The following CARM1 variants were observed in gnomAD, a reference collection of about 807,000 sequenced individuals.
CARM1 encodes the protein histone-arginine methyltransferase CARM1.
CARM1 carries 14 observed loss-of-function variants against 72.7 expected under a neutral mutation model. That is an observed-to-expected ratio of 0.19 (90% confidence interval 0.13 to 0.30). The LOEUF is 0.30. CARM1 is among the 10% of genes least tolerant of loss of function. The pLI is 1.00. For synonymous variants in CARM1, 333 were observed against 345.5 expected, an observed-to-expected ratio of 0.96 and a Z score of 0.40; for missense variants, 432 against 833.7, an observed-to-expected ratio of 0.52 and a Z score of 5.93.
At chr19:10,878,888 C>T (rs2073881788) in intron 1 of CARM1, among the ~76,000 whole-genome samples, 1 of 150,826 alleles carries the variant, frequency 6.6e-6, no homozygotes, top group African/African-American at 2.4e-5. Flanking sequence ...CTCACTGCAT[C>T]CTCTGCCTCC....
intron 1 of CARM1, among the ~76,000 whole-genome samples, chr19:10,872,456 G>A (rs972161581): frequency 1.3e-5 from 2 of 152,164 alleles, no homozygotes; most frequent in Admixed American, 6.5e-5. Flanking sequence ...GCTGTGCGAG[G>A]TGTGGCGTTC....
intron 9 of CARM1, 58 bp from the exon 10 acceptor site, chr19:10,919,819 T>TTC (rs2074225713): frequency 2.0e-6 from 3 of 1,523,654 alleles, no homozygotes; most frequent in African/African-American, 2.7e-5. Context: ...GCACCCCCTC[T>TTC]TCTCTCTCGG....
At position 10,913,123 on chromosome 19, in the gene CARM1, T is replaced by G. The variant is rs73500642; in HGVS notation, c.670-754T>G. ...GGTCACAGTGAACTCTCTTTTTTTT[T>G]GGGGGGGGTCTCACTCTGTTGCTCA... On this transcript the variant is annotated intron_variant, in intron 5 of 15. Coordinates refer to ENST00000327064, the MANE Select transcript of CARM1 (RefSeq NM_199141.2). 5.3e-3 allele frequency among the ~76,000 whole-genome samples: 804 copies of G among 150,810 alleles called. 5 individuals carry two copies. Among genetic ancestry groups the G allele is most frequent in the African/African-American group, 8.8e-3 (362 of 41,106 alleles).
At chr19:10,890,274 T>G (rs1285416191) in intron 1 of CARM1, among the ~76,000 whole-genome samples, 1,911 of 150,674 alleles carry the variant, frequency 0.013, 27 homozygotes, top group Middle Eastern at 0.024. Flanking sequence ...TGTTTGTTTT[T>G]TTTTTTTTTT....
intron 1 of CARM1, among the ~76,000 whole-genome samples, chr19:10,897,404 T>G (rs1002102007): frequency 2.0e-5 from 3 of 151,886 alleles, no homozygotes; most frequent in Admixed American, 6.6e-5. Context: ...CAGCTGGGGG[T>G]TTGTGACCTG....
At chr19:10,873,675 G>C (rs1242054458) in intron 1 of CARM1, among the ~76,000 whole-genome samples, 3 of 109,246 alleles carry the variant, frequency 2.7e-5, no homozygotes, top group African/African-American at 1.1e-4. Flanking sequence ...AGTCTTGCTC[G>C]GTCCCCCAGG....
chr19:10,917,045 G>A (rs866606380), intron 8 of CARM1, among the ~76,000 whole-genome samples: 4 of 151,888 alleles, frequency 2.6e-5, no homozygotes, highest in African/African-American at 9.7e-5. Flanking sequence ...ACACAGAGAC[G>A]CCATCGCTAT....
At chr19:10,879,700 G>A (rs762681857) in intron 1 of CARM1, among the ~76,000 whole-genome samples, 7 of 152,054 alleles carry the variant, frequency 4.6e-5, no homozygotes, top group Non-Finnish European at 8.8e-5. Flanking sequence ...GCAACCTCTA[G>A]CCTCCCAGGT....
chr19:10,871,814 C>G lies in CARM1; in HGVS notation c.112C>G (p.Leu38Val). Residue 38 changes from leucine to valine, a missense_variant, in exon 1 of 16, where the codon CTC becomes GTC. Physicochemically the swap from Leu to Val is conservative, Grantham distance 32 (BLOSUM62 1). Transcript: ENST00000327064. The surrounding 1 kb of genome is among the most constrained non-coding windows in gnomAD (Gnocchi z 5.6). ...TVSVFPGARLLTIGDANGEIQ... is the reference protein window; with the variant it reads ...TVSVFPGARLVTIGDANGEIQ... ...GTCGGTGTTCCCCGGCGCCCGCCTC[C>G]TCACCATCGGCGACGCGAACGGCGA... 7.8e-7 allele frequency: 1 copy of G among 1,278,042 alleles called. No homozygotes were observed. The highest frequency in any genetic ancestry group is 2.0e-5 in the South Asian group (1 of 49,096). The allele number at this position is 1,278,042 out of a possible 1,614,324, so 79.2% of individuals were successfully genotyped here. A position where few individuals can be genotyped will look rare whatever the true frequency, so the allele number is the denominator to read the frequency against.
At chr19:10,875,741 A>AT (rs1351332258) in intron 1 of CARM1, among the ~76,000 whole-genome samples, 2 of 149,932 alleles carry the variant, frequency 1.3e-5, no homozygotes, top group African/African-American at 4.9e-5. Flanking sequence ...TTCTTTTCTT[A>AT]TAAGGACACT....
intron 1 of CARM1, among the ~76,000 whole-genome samples, chr19:10,900,912 T>G (rs1394927889): frequency 6.6e-6 from 1 of 152,008 alleles, no homozygotes; most frequent in African/African-American, 2.4e-5. Context: ...CTCGATCTCC[T>G]GACCTTGTGA....
chr19:10,921,896 CTT>C lies in CARM1; in HGVS notation c.*144_*145del, dbSNP rs1412063774. On this transcript the variant is annotated 3_prime_UTR_variant, in exon 16 of 16. Transcript: ENST00000327064. ...TCTCTTTGCTATGGGAACTGGGACA[CTT>C]TTTTACACGATGTTGCCGCCGTCCC... 9 of 832,138 alleles carry C rather than the reference CTT, an allele frequency of 1.1e-5. No homozygotes were observed. The highest frequency in any genetic ancestry group is 1.5e-5 in the Non-Finnish European group (8 of 541,202). 51.5% of individuals were successfully genotyped at this position (832,138 alleles called of 1,614,324 possible).
chr19:10,892,115 C>T lies in CARM1; in HGVS notation c.221-12836C>T, dbSNP rs1195171617. 6.6e-5 allele frequency among the ~76,000 whole-genome samples: 10 copies of T among 152,156 alleles called. No individual in the cohort carries two copies. In the South Asian group the frequency reaches 8.3e-4, roughly 13 times the overall value. On this transcript the variant is annotated intron_variant, in intron 1 of 15. Coordinates refer to ENST00000327064, the MANE Select transcript of CARM1 (RefSeq NM_199141.2). ...GATCATTTAACATGTCAGTGTGTACCGATGGAAATTGATCTCTTTTAATTT... is the reference window on the plus strand; with the variant it reads ...GATCATTTAACATGTCAGTGTGTACTGATGGAAATTGATCTCTTTTAATTT...
At chr19:10,917,341 G>T (rs1355933742) in intron 8 of CARM1, among the ~76,000 whole-genome samples, 1 of 152,110 alleles carries the variant, frequency 6.6e-6, no homozygotes, top group Non-Finnish European at 1.5e-5. Flanking sequence ...GCCAGACGTG[G>T]TGGCGGGCGC....
chr19:10,900,057 C>G (rs1372254045), intron 1 of CARM1, among the ~76,000 whole-genome samples: 1 of 152,030 alleles, frequency 6.6e-6, no homozygotes, highest in African/African-American at 2.4e-5. Context: ...ACCTGTAATC[C>G]CAGCACTTTG....
chr19:10,921,689 G>A lies in CARM1; in HGVS notation c.1759G>A (p.Gly587Ser). The A allele has an allele frequency of 6.2e-7, 1 of 1,613,612 alleles. No homozygotes were observed. The change falls in exon 16 of 16, where the codon GGC becomes AGC. Residue 587 changes from glycine to serine, a missense_variant. Transcript: ENST00000327064. ...HYAVNSQFTM[G>S]GPAISMASPM... ...TGCAGTCAACAGCCAGTTCACCATG[G>A]GCGGCCCCGCCATCTCCATGGCGTC...
chr19:10,891,614 T>TG (rs557923856), intron 1 of CARM1, among the ~76,000 whole-genome samples: 52 of 152,246 alleles, frequency 3.4e-4, no homozygotes, highest in African/African-American at 1.1e-3. Flanking sequence ...AAAAGGATGT[T>TG]GGGGGGGTGG....
chr19:10,899,984 G>T (rs1263468695), intron 1 of CARM1, among the ~76,000 whole-genome samples: 1 of 152,062 alleles, frequency 6.6e-6, no homozygotes, highest in Non-Finnish European at 1.5e-5. Context: ...CAAAGTGCTG[G>T]AATTACAGGC....
At chr19:10,893,964 G>C (rs1472474079) in intron 1 of CARM1, among the ~76,000 whole-genome samples, 1 of 152,152 alleles carries the variant, frequency 6.6e-6, no homozygotes, top group East Asian at 1.9e-4. Context: ...CTCCCTGCTG[G>C]GTGACCCTAG....
Sources: gnomAD v4.1 joint callset for allele counts (sites outside exome capture counted in the v4.1 genomes callset) on GRCh38, gnomAD v4.1.1 for gene constraint, Gnocchi (gnomAD v3.1) non-coding constraint, MANE v1.5 for transcripts, NCBI Gene and HGNC (gene_info 2026-07-23, HGNC 2026-07-21) for gene names.